SOS2: variants seen among roughly 807,000 people sequenced by gnomAD.
SOS2 encodes the protein SOS Ras/Rho guanine nucleotide exchange factor 2, also known as son of sevenless homolog 2.
In SOS2, 65 loss-of-function variants were observed where a neutral mutation model predicts 148.2. The observed-to-expected ratio is 0.44, with a 90% CI of 0.36 to 0.54. The LOEUF is 0.54. Among genes scored for constraint, SOS2 ranks in the 20% least tolerant of loss-of-function variants. The pLI, the probability that SOS2 is intolerant of heterozygous loss-of-function variation, is 0.00. For synonymous variants in SOS2, 539 were observed against 537.1 expected, an observed-to-expected ratio of 1.00 and a Z score of -0.05; for missense variants, 1,341 against 1,590.2, an observed-to-expected ratio of 0.84 and a Z score of 2.67.
chr14:50,211,470 C>T (rs138006792), intron 1 of SOS2, among the ~76,000 whole-genome samples: 119 of 152,010 alleles, frequency 7.8e-4, no homozygotes, highest in South Asian at 3.1e-3. Flanking sequence ...TATTAGTCCC[C>T]GGTGTCTGTT....
At chr14:50,170,427 T>G (rs1269819421) in intron 8 of SOS2, among the ~76,000 whole-genome samples, 2 of 152,188 alleles carry the variant, frequency 1.3e-5, no homozygotes, top group Non-Finnish European at 2.9e-5. Context: ...GGCTCATGCC[T>G]GTAATCCCAG....
At chr14:50,203,790 AT>A (rs150066456) in intron 2 of SOS2, among the ~76,000 whole-genome samples, 76 of 145,288 alleles carry the variant, frequency 5.2e-4, no homozygotes, top group African/African-American at 1.8e-3. Flanking sequence ...CATAGAGAAC[AT>A]TTTTTTTTTG....
At chr14:50,188,372 C>G (rs1324987584) in intron 5 of SOS2, 125 bp downstream of exon 5, 6 of 657,512 alleles carry the variant, frequency 9.1e-6, no homozygotes. Flanking sequence ...CACGCCACTG[C>G]ACTCCAGCCT....
intron 21 of SOS2, among the ~76,000 whole-genome samples, chr14:50,127,268 A>G (rs1435282701): frequency 3.3e-5 from 5 of 151,672 alleles, no homozygotes; most frequent in African/African-American, 1.2e-4. Flanking sequence ...CAGCCTCCCA[A>G]ATAGCTGGGA....
At chr14:50,147,219 C>CA (rs1884514413) in intron 14 of SOS2, among the ~76,000 whole-genome samples, 2 of 150,934 alleles carry the variant, frequency 1.3e-5, no homozygotes, top group Non-Finnish European at 3.0e-5. Context: ...ACAACAACAA[C>CA]AAAAAACCAG....
intron 15 of SOS2, 25 bp downstream of exon 15, chr14:50,145,452 G>T: frequency 1.3e-6 from 2 of 1,588,146 alleles, no homozygotes; most frequent in South Asian, 2.3e-5. Context: ...CTATTAGGAG[G>T]TAGTAAGAGT....
chr14:50,130,543 C>T lies in SOS2; in HGVS notation c.3295G>A (p.Asp1099Asn), dbSNP rs373071240. ...TCCACATCTAAAAATACACTAAGGT[C>T]TGAAGAAGCAGATACTGGTGGAGTA... ...PSTPPVSASSDLSVFLDVDLN... is the reference protein window; with the variant it reads ...PSTPPVSASSNLSVFLDVDLN... Residue 1099 changes from aspartate (D) to asparagine (N), a missense_variant, in exon 20 of 23, where the codon GAC becomes AAC. Physicochemically the swap from Asp to Asn is conservative, Grantham distance 23. Coordinates refer to ENST00000216373, the MANE Select transcript of SOS2 (RefSeq NM_006939.4). 1 of 1,613,872 alleles carries T rather than the reference C, an allele frequency of 6.2e-7. No individual in the cohort carries two copies. The highest frequency in any genetic ancestry group is 8.5e-7 in the Non-Finnish European group (1 of 1,179,918).
At chr14:50,141,181 G>A (rs1884269454) in intron 16 of SOS2, among the ~76,000 whole-genome samples, 1 of 133,722 alleles carries the variant, frequency 7.5e-6, no homozygotes, top group African/African-American at 2.9e-5. Context: ...TCCAGCCTGG[G>A]TGACAGAGCG....
intron 9 of SOS2, among the ~76,000 whole-genome samples, chr14:50,161,203 G>T (rs1884996552): frequency 6.6e-6 from 1 of 150,432 alleles, no homozygotes; most frequent in South Asian, 2.1e-4. Context: ...GAAGGCAGGA[G>T]AATCATTGGA....
At chr14:50,128,585 G>T (rs1157546764) in intron 21 of SOS2, among the ~76,000 whole-genome samples, 1 of 152,156 alleles carries the variant, frequency 6.6e-6, no homozygotes. Context: ...ACCATAAGAG[G>T]AGATCAGTAA....
intron 8 of SOS2, among the ~76,000 whole-genome samples, chr14:50,166,536 G>C (rs546989281): frequency 5.9e-5 from 9 of 152,178 alleles, no homozygotes; most frequent in African/African-American, 2.2e-4. Context: ...GCTTTAATGG[G>C]TAATATCTTA....
intron 1 of SOS2, among the ~76,000 whole-genome samples, chr14:50,206,579 A>G (rs1374530455): frequency 2.0e-5 from 3 of 152,350 alleles, no homozygotes; most frequent in African/African-American, 7.2e-5. Context: ...GCAACCATCC[A>G]TTATTTTCCC....
intron 4 of SOS2, among the ~76,000 whole-genome samples, chr14:50,198,024 A>G (rs1003882986): frequency 6.0e-5 from 9 of 148,942 alleles, no homozygotes; most frequent in Non-Finnish European, 1.2e-4. Flanking sequence ...TTTGAAGTTA[A>G]GGGAGGAATG....
chr14:50,186,143 C>T (rs1268617035), intron 5 of SOS2, among the ~76,000 whole-genome samples: 1 of 152,000 alleles, frequency 6.6e-6, no homozygotes, highest in African/African-American at 2.4e-5. Flanking sequence ...GTACTATGCT[C>T]TGATTTTAGA....
chr14:50,206,107 TTTTATG>T (rs1886651798), intron 1 of SOS2, among the ~76,000 whole-genome samples: 1 of 152,152 alleles, frequency 6.6e-6, no homozygotes, highest in Non-Finnish European at 1.5e-5. Flanking sequence ...TATGATCCTA[TTTTATG>T]TTTGTTTTAT....
At chr14:50,210,047 C>T (rs1488440756) in intron 1 of SOS2, among the ~76,000 whole-genome samples, 1 of 152,012 alleles carries the variant, frequency 6.6e-6, no homozygotes, top group Non-Finnish European at 1.5e-5. Flanking sequence ...GTGCAAAAAG[C>T]TAAGAAAATC....
chr14:50,159,548 C>CT lies in SOS2; in HGVS notation c.1734dup (p.Asp579ArgfsTer3). The CT allele has an allele frequency of 6.2e-7, 1 of 1,613,808 alleles. No homozygotes were observed. Among genetic ancestry groups the CT allele is most frequent in the Non-Finnish European group, 8.5e-7 (1 of 1,179,832 alleles). On this transcript the variant is annotated frameshift_variant, in exon 10 of 23. Coordinates refer to ENST00000216373, the MANE Select transcript of SOS2 (RefSeq NM_006939.4). LOFTEE classifies it high-confidence loss of function. Reference sequence around the variant, plus strand: ...TCAAAAACAATGTTTTCCTCAGAGTCTTTTACTACAAAACGATATACTTCA... The same window carrying CT: ...TCAAAAACAATGTTTTCCTCAGAGTCTTTTTACTACAAAACGATATACTTCA...
intron 14 of SOS2, 151 bp downstream of exon 14, chr14:50,149,857 A>G: frequency 1.6e-6 from 1 of 622,084 alleles, no homozygotes; most frequent in South Asian, 2.0e-5. Flanking sequence ...AGGGCAGACT[A>G]GTTAAAAACT....
chr14:50,207,289 G>A (rs1276149460), intron 1 of SOS2, among the ~76,000 whole-genome samples: 3 of 152,082 alleles, frequency 2.0e-5, no homozygotes, highest in Non-Finnish European at 2.9e-5. Flanking sequence ...AAGGTCAGAG[G>A]ATCGCTTGAG....
Sources: gnomAD v4.1 joint callset for allele counts (sites outside exome capture counted in the v4.1 genomes callset) on GRCh38, gnomAD v4.1.1 for gene constraint, MANE v1.5 for transcripts, NCBI Gene and HGNC (gene_info 2026-07-23, HGNC 2026-07-21) for gene names.